Variants in SLCO4C1 observed in about 807,000 individuals in gnomAD.
The protein encoded by SLCO4C1 is solute carrier organic anion transporter family member 4C1.
Under a neutral mutation model 72.1 loss-of-function variants are expected in SLCO4C1, and 58 were observed. The observed-to-expected ratio is 0.80, with a 90% CI of 0.65 to 1.00. The LOEUF (loss-of-function observed/expected upper bound fraction) is 1.00, where lower values mean the gene tolerates loss of function less well. SLCO4C1 is among the 50% of genes least tolerant of loss of function. The pLI is 0.00. For synonymous variants in SLCO4C1, 297 were observed against 312.5 expected (o/e 0.95, Z 0.52); for missense variants, 898 against 857.9 (o/e 1.05, Z -0.58).
At position 102,236,674 on chromosome 5, in the gene SLCO4C1, G is replaced by A. The variant is rs1035288396; in HGVS notation, c.*184C>T. 1 of 545,170 alleles carries A rather than the reference G, an allele frequency of 1.8e-6. No homozygotes were observed. 33.8% of individuals were successfully genotyped at this position (545,170 alleles called of 1,614,324 possible). ...TTTGAGGCTTTACGTGGGCTTTGAA[G>A]GCACAGGTCTGTTTCTTGCATAAAA... On this transcript the variant is annotated 3_prime_UTR_variant, in exon 13 of 13. Coordinates refer to ENST00000310954, the MANE Select transcript of SLCO4C1 (RefSeq NM_180991.5).
At chr5:102,278,634 T>C (rs925239168) in intron 2 of SLCO4C1, among the ~76,000 whole-genome samples, 1 of 152,182 alleles carries the variant, frequency 6.6e-6, no homozygotes, top group African/African-American at 2.4e-5. Context: ...TCCTACATAG[T>C]ATGTTTTCTG....
intron 2 of SLCO4C1, among the ~76,000 whole-genome samples, chr5:102,273,617 T>C (rs1311631344): frequency 1.3e-5 from 2 of 152,120 alleles, no homozygotes; most frequent in African/African-American, 4.8e-5. Context: ...CATTCAAATA[T>C]AAAGACAAAG....
intron 11 of SLCO4C1, among the ~76,000 whole-genome samples, chr5:102,239,700 A>C (rs930812771): frequency 3.3e-5 from 5 of 152,216 alleles, no homozygotes; most frequent in African/African-American, 1.2e-4. Flanking sequence ...TATGCCTTTG[A>C]AATTAGCTAT....
At chr5:102,244,692 G>A (rs1326876012) in intron 10 of SLCO4C1, among the ~76,000 whole-genome samples, 1 of 152,218 alleles carries the variant, frequency 6.6e-6, no homozygotes, top group Admixed American at 6.5e-5. Context: ...ACATCTGGCA[G>A]CAGACTTTTC....
At chr5:102,262,515 C>G (rs182077297) in intron 4 of SLCO4C1, among the ~76,000 whole-genome samples, 1 of 152,194 alleles carries the variant, frequency 6.6e-6, no homozygotes, top group East Asian at 1.9e-4. Context: ...GTCTGTCACC[C>G]AGGCTGGGGT....
At chr5:102,288,551 T>C (rs376776435) in intron 2 of SLCO4C1, among the ~76,000 whole-genome samples, 26 of 152,192 alleles carry the variant, frequency 1.7e-4, no homozygotes, top group African/African-American at 6.3e-4. Flanking sequence ...TAAACTCCAG[T>C]AAGATCATGC....
At chr5:102,270,955 A>C (rs1271806667) in intron 2 of SLCO4C1, 149 bp from the exon 3 acceptor site, 2 of 712,546 alleles carry the variant, frequency 2.8e-6, no homozygotes, top group African/African-American at 1.8e-5. Flanking sequence ...AAATACATCA[A>C]AAGAAAAATA....
intron 2 of SLCO4C1, 39 bp from the exon 3 acceptor site, chr5:102,270,845 G>T: frequency 6.9e-7 from 1 of 1,438,914 alleles, no homozygotes; most frequent in Non-Finnish European, 9.4e-7. Flanking sequence ...TAGAAATTCA[G>T]CTAATAATTT....
At chr5:102,247,172 C>G in intron 10 of SLCO4C1, 80 bp downstream of exon 10, 1 of 1,118,636 alleles carries the variant, frequency 8.9e-7, no homozygotes, top group African/African-American at 1.6e-5. Context: ...TCAATATGAA[C>G]CCCAAATGAA....
chr5:102,258,263 G>A (rs1748875093), intron 6 of SLCO4C1, among the ~76,000 whole-genome samples, 176 bp from the exon 7 acceptor site: 1 of 152,124 alleles, frequency 6.6e-6, no homozygotes. Context: ...CATACATGAT[G>A]AGAAAATTTA....
chr5:102,258,406 C>T (rs1748878037), intron 6 of SLCO4C1, among the ~76,000 whole-genome samples: 1 of 152,100 alleles, frequency 6.6e-6, no homozygotes, highest in South Asian at 2.1e-4. Context: ...TACTGTAAAT[C>T]TCCACACTAT....
At chr5:102,283,628 C>G (rs1239234885) in intron 2 of SLCO4C1, among the ~76,000 whole-genome samples, 1 of 151,392 alleles carries the variant, frequency 6.6e-6, no homozygotes, top group Non-Finnish European at 1.5e-5. Flanking sequence ...TCATTACCTT[C>G]CACACAATAT....
intron 8 of SLCO4C1, among the ~76,000 whole-genome samples, chr5:102,256,573 T>C (rs961519325): frequency 2.0e-5 from 3 of 152,178 alleles, no homozygotes; most frequent in Non-Finnish European, 4.4e-5. Context: ...GAAATATAAA[T>C]GGTTGAATCA....
intron 2 of SLCO4C1, among the ~76,000 whole-genome samples, chr5:102,285,418 G>A (rs1483057122): frequency 6.6e-6 from 1 of 152,092 alleles, no homozygotes; most frequent in Admixed American, 6.6e-5. Flanking sequence ...CCAAGTATCT[G>A]GGATTACAGG....
Position 102,251,892 on chromosome 5 carries a change from C to T in SLCO4C1, c.1470-2104G>A, listed in dbSNP as rs375172388. ...TGGACACCAATTATGTGCTAGACTA[C>T]TCAAGGTGGTAGAATTATATTTAAA... On this transcript the variant is annotated intron_variant, in intron 8 of 12. Coordinates refer to ENST00000310954, the MANE Select transcript of SLCO4C1 (RefSeq NM_180991.5). Among the ~76,000 whole-genome samples the T allele has an allele frequency of 3.3e-5, 5 of 151,852 alleles. No homozygotes were observed. In the East Asian group the frequency reaches 9.7e-4, roughly 29 times the overall value.
In SLCO4C1 at chr5:102,249,590, C is replaced by T. The variant is rs767076411; in HGVS notation, c.1620+48G>A. 5.0e-6 allele frequency: 8 copies of T among 1,602,930 alleles called. No individual in the cohort carries two copies. The African/African-American group carries it at 8.1e-5, about 16-fold the overall frequency. On this transcript the variant is annotated intron_variant, in intron 9 of 12. Transcript: ENST00000310954. The stretch of plus-strand genomic sequence containing the variant: ...ACCCCATTAGAGAAGTCAAGATAAT[C>T]CACAAACATATTGCCTCATTAAGGG...
Position 102,296,212 on chromosome 5 carries a change from T to C in SLCO4C1, c.51A>G (p.Pro17=). The change falls in exon 1 of 13, where the codon CCA becomes CCG. Residue 17 remains proline, a synonymous_variant. Transcript: ENST00000310954. The part of the protein sequence containing the change: ...IENLAFVPSS[P]DILRRLSASP... The stretch of plus-strand genomic sequence containing the variant: ...ACGCAGACAAGCGGCGCAGGATGTC[T>C]GGGCTGGAGGGGACAAAAGCCAAGT... The C allele has an allele frequency of 6.3e-7, 1 of 1,590,516 alleles. No homozygotes were observed. Among genetic ancestry groups the C allele is most frequent in the Non-Finnish European group, 8.6e-7 (1 of 1,168,536 alleles).
intron 2 of SLCO4C1, among the ~76,000 whole-genome samples, chr5:102,284,058 T>C (rs1337833708): frequency 6.6e-6 from 1 of 152,056 alleles, no homozygotes; most frequent in Non-Finnish European, 1.5e-5. Context: ...TTACGGAAAA[T>C]AATTTTTGCC....
At chr5:102,267,288 G>A (rs1207565601) in intron 3 of SLCO4C1, among the ~76,000 whole-genome samples, 1 of 152,084 alleles carries the variant, frequency 6.6e-6, no homozygotes, top group Non-Finnish European at 1.5e-5. Flanking sequence ...TTTTATTATT[G>A]ATTCAATCTC....
Sources: gnomAD v4.1 joint callset for allele counts (sites outside exome capture counted in the v4.1 genomes callset) on GRCh38, gnomAD v4.1.1 for gene constraint, MANE v1.5 for transcripts, NCBI Gene and HGNC (gene_info 2026-07-23, HGNC 2026-07-21) for gene names.